The following NKAIN2 variants were observed in gnomAD, a reference collection of about 807,000 sequenced individuals.
NKAIN2 encodes sodium/potassium-transporting ATPase subunit beta-1-interacting protein 2.
Under a neutral mutation model 32.6 loss-of-function variants are expected in NKAIN2, and 14 were observed. That is an observed-to-expected ratio of 0.43 (90% CI 0.28 to 0.67). The LOEUF is 0.67. NKAIN2 is among the 30% of genes least tolerant of loss of function. NKAIN2 has a pLI of 0.17. For synonymous variants in NKAIN2, 80 were observed against 87.2 expected (o/e 0.92, Z 0.46); for missense variants, 198 against 258.3 (o/e 0.77, Z 1.60).
chr6:124,435,524 C>T (rs1224711078), intron 3 of NKAIN2, among the ~76,000 whole-genome samples: 1 of 152,092 alleles, frequency 6.6e-6, no homozygotes, highest in Non-Finnish European at 1.5e-5. Context: ...TTATTAATCC[C>T]TTTACTGTAC....
At chr6:123,959,061 C>A (rs1428362872) in intron 1 of NKAIN2, among the ~76,000 whole-genome samples, 1 of 152,022 alleles carries the variant, frequency 6.6e-6, no homozygotes, top group African/African-American at 2.4e-5. Context: ...CGGCTAAGGA[C>A]CGGGAGAAGA....
chr6:123,949,764 T>C (rs879608243), intron 1 of NKAIN2, among the ~76,000 whole-genome samples: 11 of 152,066 alleles, frequency 7.2e-5, no homozygotes, highest in Admixed American at 2.0e-4. Flanking sequence ...ATTGACTTAT[T>C]CTTCTTCAAT....
intron 1 of NKAIN2, among the ~76,000 whole-genome samples, chr6:123,864,819 G>A (rs1437264587): frequency 6.6e-6 from 1 of 152,154 alleles, no homozygotes; most frequent in African/African-American, 2.4e-5. Flanking sequence ...TAAAAAGTGT[G>A]CTAACTGAAT....
chr6:124,374,325 A>G (rs1296946988), intron 3 of NKAIN2, among the ~76,000 whole-genome samples: 2 of 152,044 alleles, frequency 1.3e-5, no homozygotes, highest in African/African-American at 4.8e-5. Context: ...AAAATGGAAA[A>G]GTGTATATGA....
chr6:124,178,299 C>CCT (rs1491272117), intron 1 of NKAIN2, among the ~76,000 whole-genome samples: 1 of 139,128 alleles, frequency 7.2e-6, no homozygotes, highest in African/African-American at 2.6e-5. Context: ...CGTACATTAA[C>CCT]TTTTTTTTTT....
chr6:124,436,411 C>T (rs924591309), intron 3 of NKAIN2, among the ~76,000 whole-genome samples: 1 of 152,132 alleles, frequency 6.6e-6, no homozygotes, highest in East Asian at 1.9e-4. Flanking sequence ...ATTACAATAT[C>T]ATAAAACACC....
chr6:124,466,467 G>A (rs62437480), intron 3 of NKAIN2, among the ~76,000 whole-genome samples: 6,861 of 152,116 alleles, frequency 0.045, 263 homozygotes, highest in Non-Finnish European at 0.065. Context: ...ATTGGGACAG[G>A]TTAATCTTCT....
intron 1 of NKAIN2, among the ~76,000 whole-genome samples, chr6:124,120,906 G>A (rs1395015079): frequency 4.6e-5 from 7 of 152,018 alleles, no homozygotes; most frequent in South Asian, 2.1e-4. Context: ...TTTTAAAACC[G>A]TATACTATTT....
At chr6:124,666,148 T>A (rs1316733942) in intron 4 of NKAIN2, among the ~76,000 whole-genome samples, 1 of 152,182 alleles carries the variant, frequency 6.6e-6, no homozygotes, top group Non-Finnish European at 1.5e-5. Context: ...ACAAACCTGC[T>A]TGTCAAAAGA....
intron 3 of NKAIN2, among the ~76,000 whole-genome samples, chr6:124,528,425 G>A (rs577497660): frequency 9.2e-5 from 14 of 152,286 alleles, no homozygotes; most frequent in African/African-American, 3.1e-4. Flanking sequence ...ATTCACAAGA[G>A]GTTTGACAGC....
intron 1 of NKAIN2, among the ~76,000 whole-genome samples, chr6:124,120,489 T>C (rs1785827212): frequency 6.6e-6 from 1 of 152,092 alleles, no homozygotes. Flanking sequence ...TGCACAAAAA[T>C]TCTGTAAAGT....
At chr6:123,858,130 T>C (rs555045973) in intron 1 of NKAIN2, among the ~76,000 whole-genome samples, 120 of 152,158 alleles carry the variant, frequency 7.9e-4, no homozygotes, top group African/African-American at 2.7e-3. Context: ...ATTTTTTTTT[T>C]TTTGAGAGGG....
chr6:124,706,597 G>A (rs1210856649), intron 4 of NKAIN2, among the ~76,000 whole-genome samples: 1 of 151,954 alleles, frequency 6.6e-6, no homozygotes, highest in Non-Finnish European at 1.5e-5. Flanking sequence ...TTCCAAACAG[G>A]GCAGACTCAA....
intron 1 of NKAIN2, among the ~76,000 whole-genome samples, chr6:124,116,467 G>A (rs907067213): frequency 6.6e-6 from 1 of 152,028 alleles, no homozygotes; most frequent in Non-Finnish European, 1.5e-5. Context: ...TAACTTTATG[G>A]TAATAATTCT....
intron 1 of NKAIN2, among the ~76,000 whole-genome samples, chr6:124,215,833 C>T (rs370588029): frequency 1.3e-3 from 205 of 152,124 alleles, no homozygotes; most frequent in African/African-American, 4.8e-3. Context: ...TAAAGATAGT[C>T]CTGGCCGGAT....
intron 1 of NKAIN2, among the ~76,000 whole-genome samples, chr6:123,908,346 T>C (rs928480990): frequency 6.6e-6 from 1 of 152,218 alleles, no homozygotes; most frequent in Non-Finnish European, 1.5e-5. Flanking sequence ...CAGAATACTA[T>C]GATTATTTAC....
chr6:124,745,695 C>G (rs552325895), intron 4 of NKAIN2, among the ~76,000 whole-genome samples: 106 of 151,890 alleles, frequency 7.0e-4, no homozygotes, highest in African/African-American at 2.6e-3. Context: ...TATCCAAAAA[C>G]AGTATGAATT....
intron 1 of NKAIN2, among the ~76,000 whole-genome samples, chr6:123,968,631 C>G (rs1181982630): frequency 6.6e-6 from 1 of 152,164 alleles, no homozygotes; most frequent in East Asian, 1.9e-4. Context: ...ATCAGCACAA[C>G]TTGCATCTTC....
intron 1 of NKAIN2, among the ~76,000 whole-genome samples, chr6:124,112,287 C>A (rs1303038055): frequency 6.6e-6 from 1 of 152,100 alleles, no homozygotes; most frequent in Non-Finnish European, 1.5e-5. Context: ...TTGGAAAAGT[C>A]TTTATCTCTC....
Sources: allele counts gnomAD v4.1 joint callset (sites outside exome capture counted in the v4.1 genomes callset), GRCh38; gene constraint gnomAD v4.1.1; transcripts MANE v1.5; gene names NCBI Gene and HGNC (gene_info 2026-07-23, HGNC 2026-07-21).